Variants in NRXN1 observed in about 807,000 individuals in gnomAD.
NRXN1 encodes the protein neurexin 1.
In NRXN1, 39 loss-of-function variants were observed where a neutral mutation model predicts 150.9. That is an observed-to-expected ratio of 0.26 (90% CI 0.20 to 0.34). The LOEUF is 0.34. Among genes scored for constraint, NRXN1 ranks in the 10% least tolerant of loss-of-function variants. NRXN1 has a pLI of 1.00. For synonymous variants in NRXN1, 924 were observed against 757.0 expected (o/e 1.22, Z -3.62); for missense variants, 1,815 against 1,949.9 (o/e 0.93, Z 1.30).
intron 18 of NRXN1, among the ~76,000 whole-genome samples, chr2:50,182,437 T>C (rs1446557211): frequency 6.6e-6 from 1 of 152,094 alleles, no homozygotes; most frequent in Non-Finnish European, 1.5e-5. Context: ...TCAATTTTTC[T>C]TCCATATTTT....
At chr2:50,495,785 A>T (rs2091569893) in intron 15 of NRXN1, 120 bp downstream of exon 15, 1 of 745,538 alleles carries the variant, frequency 1.3e-6, no homozygotes, top group Non-Finnish European at 2.0e-6. Context: ...TTATGTGCTG[A>T]AAATGAAATT....
At chr2:50,729,862 T>C (rs1697870452) in intron 5 of NRXN1, among the ~76,000 whole-genome samples, 1 of 152,172 alleles carries the variant, frequency 6.6e-6, no homozygotes, top group South Asian at 2.1e-4. Flanking sequence ...ATTTCTGTTG[T>C]TCTCTGAGGC....
intron 8 of NRXN1, among the ~76,000 whole-genome samples, chr2:50,559,807 A>C (rs1314183334): frequency 6.6e-6 from 1 of 152,214 alleles, no homozygotes; most frequent in African/African-American, 2.4e-5. Flanking sequence ...TACATTAACA[A>C]TATTTGATAA....
rs186514872 is a variant in NRXN1, at chr2:50,966,120, G to C, written c.773-40165C>G. 2.2e-3 allele frequency among the ~76,000 whole-genome samples: 337 copies of C among 151,674 alleles called. 1 individual carries two copies. Among genetic ancestry groups the C allele is most frequent in the Middle Eastern group, 0.01 (3 of 294 alleles). ...TTTAAAATGTTATTTAATTAACCTA[G>C]TTATTTTGAACACTTTGTATCCAAT... On this transcript the variant is annotated intron_variant, in intron 2 of 22. Transcript: ENST00000401669.
intron 21 of NRXN1, chr2:50,022,605 T>C (rs1333474657): frequency 1.3e-5 from 2 of 152,314 alleles, no homozygotes; most frequent in Middle Eastern, 3.4e-3. Context: ...GGGATACAAA[T>C]CTGAAATTTT....
At chr2:50,168,934 C>T (rs977423145) in intron 18 of NRXN1, among the ~76,000 whole-genome samples, 2 of 152,194 alleles carry the variant, frequency 1.3e-5, no homozygotes, top group African/African-American at 4.8e-5. Context: ...TTCAAAAACT[C>T]TAAGGCATTC....
At chr2:51,007,037 A>G (rs1399716939) in intron 2 of NRXN1, among the ~76,000 whole-genome samples, 3 of 152,036 alleles carry the variant, frequency 2.0e-5, no homozygotes, top group South Asian at 2.1e-4. Flanking sequence ...CCCAGTGCCT[A>G]AGCTCAATGA....
At chr2:50,104,977 G>A (rs999444326) in intron 18 of NRXN1, among the ~76,000 whole-genome samples, 2 of 151,974 alleles carry the variant, frequency 1.3e-5, no homozygotes, top group Admixed American at 6.6e-5. Context: ...TCCATGTTGA[G>A]GATGTTTAAA....
At chr2:50,166,320 TG>T in intron 18 of NRXN1, among the ~76,000 whole-genome samples, 3 of 141,104 alleles carry the variant, frequency 2.1e-5, no homozygotes, top group African/African-American at 6.0e-5. Flanking sequence ...TGTGTGTGTG[TG>T]TGTTTGTGTG....
intron 5 of NRXN1, among the ~76,000 whole-genome samples, chr2:50,899,281 T>G (rs1224066661): frequency 6.6e-6 from 1 of 152,128 alleles, no homozygotes; most frequent in Non-Finnish European, 1.5e-5. Context: ...CACTCCAATT[T>G]CCAATGCAGT....
chr2:50,285,142 G>T (rs577821081), intron 17 of NRXN1, among the ~76,000 whole-genome samples: 1 of 152,138 alleles, frequency 6.6e-6, no homozygotes, highest in Non-Finnish European at 1.5e-5. Flanking sequence ...AAATTCTAAC[G>T]AGCACCTTCT....
chr2:50,938,318 A>G (rs1688850759), intron 2 of NRXN1, among the ~76,000 whole-genome samples: 1 of 152,176 alleles, frequency 6.6e-6, no homozygotes, highest in Non-Finnish European at 1.5e-5. Flanking sequence ...GGTCCATTAC[A>G]ATCTTGTGGA....
intron 5 of NRXN1, among the ~76,000 whole-genome samples, chr2:50,791,101 G>C (rs1705887652): frequency 1.4e-5 from 2 of 144,894 alleles, no homozygotes; most frequent in South Asian, 4.4e-4. Context: ...TTTTTTTTCA[G>C]CAATAAGTAA....
At chr2:50,868,195 A>C in intron 5 of NRXN1, among the ~76,000 whole-genome samples, 1 of 142,674 alleles carries the variant, frequency 7.0e-6, no homozygotes, top group Non-Finnish European at 1.5e-5. Flanking sequence ...ATATGCATAC[A>C]CACACACAGG....
chr2:50,688,290 C>T (rs1691550221), intron 5 of NRXN1, among the ~76,000 whole-genome samples: 1 of 152,196 alleles, frequency 6.6e-6, no homozygotes, highest in South Asian at 2.1e-4. Flanking sequence ...CATATCAATA[C>T]ATCACCACCA....
intron 17 of NRXN1, among the ~76,000 whole-genome samples, chr2:50,430,980 T>A (rs965937490): frequency 6.6e-6 from 1 of 152,206 alleles, no homozygotes; most frequent in African/African-American, 2.4e-5. Context: ...ATACTAGTTC[T>A]GTGAATGCAT....
intron 8 of NRXN1, among the ~76,000 whole-genome samples, chr2:50,554,103 C>T (rs934803982): frequency 2.0e-5 from 3 of 152,084 alleles, no homozygotes; most frequent in African/African-American, 7.2e-5. Context: ...GATTTCAAAG[C>T]TCCCAACATT....
At chr2:50,662,472 T>C (rs547844584) in intron 5 of NRXN1, among the ~76,000 whole-genome samples, 2 of 152,146 alleles carry the variant, frequency 1.3e-5, no homozygotes, top group African/African-American at 4.8e-5. Context: ...TTAGAAGGGT[T>C]TAGGGTAAGC....
intron 5 of NRXN1, among the ~76,000 whole-genome samples, chr2:50,674,113 A>G (rs1479048439): frequency 1.3e-5 from 2 of 152,146 alleles, no homozygotes; most frequent in African/African-American, 4.8e-5. Context: ...AAAGGAAAGT[A>G]ACTCATTAAA....
Sources: gnomAD v4.1 joint callset for allele counts (sites outside exome capture counted in the v4.1 genomes callset) on GRCh38, gnomAD v4.1.1 for gene constraint, MANE v1.5 for transcripts, NCBI Gene and HGNC (gene_info 2026-07-23, HGNC 2026-07-21) for gene names.